The following IL1RAP variants were observed in gnomAD, a reference collection of about 807,000 sequenced individuals.
The protein encoded by IL1RAP is interleukin-1 receptor accessory protein.
In IL1RAP, 35 loss-of-function variants were observed where a neutral mutation model predicts 60.7. The ratio of observed to expected loss-of-function variants is 0.58; its 90% CI spans 0.44 to 0.76. The LOEUF (loss-of-function observed/expected upper bound fraction) is 0.76. Among genes scored for constraint, IL1RAP ranks in the 30% least tolerant of loss-of-function variants. IL1RAP has a pLI of 0.00. For missense variants in IL1RAP, 572 were observed against 693.9 expected (o/e 0.82, Z 1.97); for synonymous variants, 268 against 250.9 (o/e 1.07, Z -0.64).
intron 5 of IL1RAP, among the ~76,000 whole-genome samples, chr3:190,619,664 G>A (rs565072825): frequency 1.3e-5 from 2 of 151,706 alleles, no homozygotes; most frequent in African/African-American, 2.4e-5. Context: ...GACTGAGGTT[G>A]CAATGAGCTG....
chr3:190,648,441 C>G lies in IL1RAP; in HGVS notation c.1449C>G (p.Leu483=). The G allele has an allele frequency of 6.2e-7, 1 of 1,614,106 alleles. No homozygotes were observed. Among genetic ancestry groups the G allele is most frequent in the Non-Finnish European group, 8.5e-7 (1 of 1,180,016 alleles). ...VLQGTQALLE[L]KAGLENMASR... ...AGGGAACCCAAGCCCTCCTGGAGCT[C>G]AAGGCTGGCCTAGAAAATATGGCCT... is the stretch of plus-strand genomic sequence containing the variant. Residue 483 remains leucine, a synonymous_variant, in exon 12 of 12, where the codon CTC becomes CTG. Transcript: ENST00000447382.
intron 1 of IL1RAP, chr3:190,555,780 T>C (rs1725361801): frequency 6.6e-6 from 1 of 152,208 alleles, no homozygotes; most frequent in African/African-American, 2.4e-5. Flanking sequence ...GCATGATACA[T>C]ATTTGCTGAG....
At chr3:190,521,197 AAAAG>A (rs1376523469) in intron 1 of IL1RAP, among the ~76,000 whole-genome samples, 2 of 152,208 alleles carry the variant, frequency 1.3e-5, no homozygotes, top group Non-Finnish European at 2.9e-5. Context: ...CTAAATTAGA[AAAAG>A]AAAGATCCAG....
At chr3:190,517,054 G>T (rs945218193) in intron 1 of IL1RAP, among the ~76,000 whole-genome samples, 12 of 152,178 alleles carry the variant, frequency 7.9e-5, no homozygotes, top group Non-Finnish European at 1.6e-4. Flanking sequence ...GGTTATTTCA[G>T]GATATCCTTT....
chr3:190,655,558 CGTGTGTGTGTGTGTGTGT>C (rs34341875), downstream of IL1RAP, among the ~76,000 whole-genome samples: 75 of 131,160 alleles, frequency 5.7e-4, no homozygotes, highest in South Asian at 2.3e-3. Flanking sequence ...AATTGCCCAC[CGTGTGTGTGTGTGTGTGT>C]GTGTGTGTGT....
At chr3:190,555,922 ATCTG>A (rs1336411205) in intron 1 of IL1RAP, 8 of 135,936 alleles carry the variant, frequency 5.9e-5, no homozygotes, top group Non-Finnish European at 9.5e-5. Flanking sequence ...ATAGATAGAG[ATCTG>A]TCTATCTATC....
intron 1 of IL1RAP, among the ~76,000 whole-genome samples, chr3:190,543,170 T>G (rs1409472509): frequency 1.3e-5 from 2 of 152,100 alleles, no homozygotes; most frequent in Non-Finnish European, 2.9e-5. Flanking sequence ...AGGTATTCTG[T>G]TGAACATGCC....
At chr3:190,627,510 T>C (rs1732413330) in intron 8 of IL1RAP, 61 bp downstream of exon 8, 3 of 1,545,022 alleles carry the variant, frequency 1.9e-6, no homozygotes, top group African/African-American at 2.8e-5. Context: ...TGATCTCTGA[T>C]GTGTGTTCTA....
Position 190,649,083 on chromosome 3 carries a change from A to C in IL1RAP, c.*378A>C. 1.0e-6 allele frequency: 1 copy of C among 993,558 alleles called. No individual in the cohort carries two copies. Among genetic ancestry groups the C allele is most frequent in the Non-Finnish European group, 1.2e-6 (1 of 835,236 alleles). 61.5% of individuals were successfully genotyped at this position (993,558 alleles called of 1,614,324 possible). On this transcript the variant is annotated 3_prime_UTR_variant, in exon 12 of 12. Coordinates refer to ENST00000447382, the MANE Select transcript of IL1RAP (RefSeq NM_002182.4). ...ATGCCTTTAAAATAAGTCACTGTTG[A>C]CAGGGTCATGAGTTTCCGAGTATAG...
In IL1RAP at chr3:190,580,760, C is replaced by T. The variant is rs137996389; in HGVS notation, c.64+16407C>T. Among the ~76,000 whole-genome samples, 534 of 152,238 alleles carry T rather than the reference C, an allele frequency of 3.5e-3. 1 individual carries two copies. The highest frequency in any genetic ancestry group is 0.012 in the African/African-American group (517 of 41,544). The stretch of plus-strand genomic sequence containing the variant: ...ATGGTTAACAATTCTGTATTGTATA[C>T]TTAAGAACTCGCTAGGAAATTAAAT... On this transcript the variant is annotated intron_variant, in intron 3 of 11. Coordinates refer to ENST00000447382, the MANE Select transcript of IL1RAP (RefSeq NM_002182.4).
intron 3 of IL1RAP, among the ~76,000 whole-genome samples, chr3:190,593,896 T>C (rs1729160303): frequency 6.6e-6 from 1 of 152,174 alleles, no homozygotes. Context: ...TGGTATATTA[T>C]AGGATACTGC....
intron 9 of IL1RAP, among the ~76,000 whole-genome samples, chr3:190,643,127 G>A (rs1733776061): frequency 6.6e-6 from 1 of 152,146 alleles, no homozygotes; most frequent in African/African-American, 2.4e-5. Context: ...AGGGAGTGAA[G>A]AAGCTGACCT....
At chr3:190,556,508 A>C (rs1725441939) in intron 2 of IL1RAP, among the ~76,000 whole-genome samples, 1 of 152,148 alleles carries the variant, frequency 6.6e-6, no homozygotes, top group African/African-American at 2.4e-5. Flanking sequence ...AAAAATGAGG[A>C]TATGAGGCCT....
rs772821292 is a variant in IL1RAP at position 190,609,061 on chromosome 3, T to A, written c.417T>A (p.Asn139Lys). ...TTGTTCAAAAAGACAGCTGTTTCAA[T>A]TCCCCCATGAAACTCCCAGTGCATA... Reference protein sequence around the residue: ...LEVVQKDSCFNSPMKLPVHKL... With the variant: ...LEVVQKDSCFKSPMKLPVHKL... The change falls in exon 5 of 12, where the codon AAT becomes AAA. Residue 139 changes from asparagine to lysine, a missense_variant. Physicochemically the swap from Asn to Lys is moderately conservative, Grantham distance 94. Coordinates refer to ENST00000447382, the MANE Select transcript of IL1RAP (RefSeq NM_002182.4). 10 of 1,613,188 alleles carry A rather than the reference T, an allele frequency of 6.2e-6. 1 individual carries two copies. The Admixed American group carries it at 1.7e-4, about 27-fold the overall frequency.
At chr3:190,642,843 A>T (rs1487242722) in intron 9 of IL1RAP, among the ~76,000 whole-genome samples, 2 of 152,234 alleles carry the variant, frequency 1.3e-5, no homozygotes, top group African/African-American at 4.8e-5. Flanking sequence ...AATAGATAAT[A>T]ATCAAATTGA....
chr3:190,517,171 C>CT (rs1721599771), intron 1 of IL1RAP, among the ~76,000 whole-genome samples: 1 of 152,176 alleles, frequency 6.6e-6, no homozygotes, highest in African/African-American at 2.4e-5. Context: ...GCAATGGTCT[C>CT]TAAGACAACC....
At chr3:190,517,661 T>G (rs192526784) in intron 1 of IL1RAP, among the ~76,000 whole-genome samples, 4 of 152,212 alleles carry the variant, frequency 2.6e-5, no homozygotes, top group African/African-American at 7.2e-5. Flanking sequence ...AACGCAGATG[T>G]AGAAGGAACA....
intron 1 of IL1RAP, among the ~76,000 whole-genome samples, chr3:190,530,140 T>C (rs1412766291): frequency 6.6e-6 from 1 of 151,842 alleles, no homozygotes; most frequent in South Asian, 2.1e-4. Context: ...AAACATAAAG[T>C]GAAGGAGGGA....
At chr3:190,651,692 T>A (rs1734406870), downstream of IL1RAP, among the ~76,000 whole-genome samples, 1 of 152,194 alleles carries the variant, frequency 6.6e-6, no homozygotes, top group East Asian at 1.9e-4. Flanking sequence ...GAACATTTTC[T>A]TTACATGGAA....
Sources: allele counts gnomAD v4.1 joint callset (sites outside exome capture counted in the v4.1 genomes callset), GRCh38; gene constraint gnomAD v4.1.1; transcripts MANE v1.5; gene names NCBI Gene and HGNC (gene_info 2026-07-23, HGNC 2026-07-21).